NIPBL: variants seen among roughly 807,000 people sequenced by gnomAD.
NIPBL encodes the protein nipped-B-like protein.
In NIPBL, 19 loss-of-function variants were observed where a neutral mutation model predicts 321.8. The observed-to-expected ratio is 0.06, with a 90% CI of 0.04 to 0.09. The LOEUF is 0.09. Ranked by LOEUF, NIPBL falls within the 10% of genes least tolerant of loss-of-function variation. NIPBL has a pLI of 1.00. For synonymous variants in NIPBL, 1,106 were observed against 1,114.1 expected, an observed-to-expected ratio of 0.99 and a Z score of 0.14; for missense variants, 2,210 against 3,327.0, an observed-to-expected ratio of 0.66 and a Z score of 8.26.
At chr5:37,050,595 T>C (rs1467015866) in intron 40 of NIPBL, among the ~76,000 whole-genome samples, 1 of 152,170 alleles carries the variant, frequency 6.6e-6, no homozygotes, top group Non-Finnish European at 1.5e-5. Context: ...TTGCTTTCTC[T>C]CTCTCCCTTT....
At chr5:36,881,958 T>G (rs1361053292) in intron 1 of NIPBL, among the ~76,000 whole-genome samples, 1 of 151,998 alleles carries the variant, frequency 6.6e-6, no homozygotes, top group Non-Finnish European at 1.5e-5. Flanking sequence ...GTCATTTCAT[T>G]CATAGAAATG....
chr5:37,013,991 C>T (rs545452870), intron 21 of NIPBL, among the ~76,000 whole-genome samples: 253 of 152,336 alleles, frequency 1.7e-3, no homozygotes, highest in African/African-American at 5.5e-3. Context: ...GGATCACTCG[C>T]GGTTAGGAGC....
chr5:37,044,495 C>T lies in NIPBL; in HGVS notation c.6249+8C>T. On this transcript the variant is annotated splice_region_variant and intron_variant, in intron 35 of 46. Coordinates refer to ENST00000282516, the MANE Select transcript of NIPBL (RefSeq NM_133433.4). Reference sequence around the variant, plus strand: ...ATCAAATATGGCATGACTGTAAGCACTCAGTTTACCATTTCTTTATTCATT... The same window carrying T: ...ATCAAATATGGCATGACTGTAAGCATTCAGTTTACCATTTCTTTATTCATT... 6.2e-7 allele frequency: 1 copy of T among 1,613,036 alleles called. No homozygotes were observed. The highest frequency in any genetic ancestry group is 8.5e-7 in the Non-Finnish European group (1 of 1,179,162).
intron 44 of NIPBL, 128 bp downstream of exon 44, chr5:37,059,293 G>A: frequency 1.1e-6 from 1 of 945,898 alleles, no homozygotes. Flanking sequence ...GATCCCCTGA[G>A]GTCAGGAGTT....
chr5:36,940,805 A>T (rs1738981698), intron 1 of NIPBL, among the ~76,000 whole-genome samples: 1 of 152,230 alleles, frequency 6.6e-6, no homozygotes, highest in Non-Finnish European at 1.5e-5. Flanking sequence ...ATAAGGATTA[A>T]ATGAATTAAA....
intron 42 of NIPBL, among the ~76,000 whole-genome samples, chr5:37,055,042 G>A (rs1753950704): frequency 1.3e-5 from 2 of 152,160 alleles, no homozygotes; most frequent in Non-Finnish European, 2.9e-5. Context: ...GATAACAGTA[G>A]GGGAGAAAAA....
At chr5:37,030,464 A>C (rs1580525216) in intron 32 of NIPBL, among the ~76,000 whole-genome samples, 1 of 152,238 alleles carries the variant, frequency 6.6e-6, no homozygotes, top group African/African-American at 2.4e-5. Context: ...GGAAGGATAT[A>C]AAGAATGGAC....
intron 25 of NIPBL, among the ~76,000 whole-genome samples, chr5:37,019,860 T>C (rs999161040): frequency 5.9e-5 from 9 of 152,198 alleles, no homozygotes; most frequent in Non-Finnish European, 1.5e-5. Flanking sequence ...TTATAAACTA[T>C]TATTTGAGAA....
At chr5:36,926,554 A>G (rs559379318) in intron 1 of NIPBL, among the ~76,000 whole-genome samples, 12 of 152,344 alleles carry the variant, frequency 7.9e-5, no homozygotes, top group Admixed American at 6.5e-4. Flanking sequence ...GTTTCCAAAA[A>G]GTATTGTCAA....
At chr5:36,933,465 G>A (rs1749933176) in intron 1 of NIPBL, among the ~76,000 whole-genome samples, 1 of 152,034 alleles carries the variant, frequency 6.6e-6, no homozygotes, top group African/African-American at 2.4e-5. Flanking sequence ...ATGAGATATA[G>A]TTCTAGAGAC....
At chr5:37,015,464 G>A (rs1005104998) in intron 22 of NIPBL, among the ~76,000 whole-genome samples, 3 of 152,204 alleles carry the variant, frequency 2.0e-5, no homozygotes, top group Admixed American at 2.0e-4. Context: ...GCCAGGTGTG[G>A]TGGCTCACAC....
intron 38 of NIPBL, among the ~76,000 whole-genome samples, chr5:37,047,000 T>C (rs1753050026): frequency 6.6e-6 from 1 of 152,184 alleles, no homozygotes; most frequent in Non-Finnish European, 1.5e-5. Flanking sequence ...ACACCTGTAC[T>C]AAATATGTAC....
Position 36,986,270 on chromosome 5 carries a change from T to C in NIPBL, c.3090T>C (p.Pro1030=). The part of the protein sequence containing the change: ...REDKSRSSLK[P]IKNKPSKSNK... Reference sequence around the variant, plus strand: ...ACAAATCAAGAAGTTCCCTTAAACCTATCAAGAATAAACCATCAAAGTCAA... The same window carrying C: ...ACAAATCAAGAAGTTCCCTTAAACCCATCAAGAATAAACCATCAAAGTCAA... Residue 1030 remains proline, a synonymous_variant, in exon 10 of 47, where the codon CCT becomes CCC. Coordinates refer to ENST00000282516, the MANE Select transcript of NIPBL (RefSeq NM_133433.4). 1 of 1,531,536 alleles carries C rather than the reference T, an allele frequency of 6.5e-7. No individual in the cohort carries two copies. Among genetic ancestry groups the C allele is most frequent in the South Asian group, 1.3e-5 (1 of 75,460 alleles). 94.9% of individuals were successfully genotyped at this position (1,531,536 alleles called of 1,614,324 possible).
In NIPBL at chr5:37,027,422, C is replaced by G. The variant is rs1476871328; in HGVS notation, c.5862+10C>G. On this transcript the variant is annotated intron_variant, in intron 32 of 46. Transcript: ENST00000282516. ...GCAACTGCTTCAAAACGTGAGTGTT[C>G]TTTTGACTCCTGATAACCTAAAATT... is the stretch of plus-strand genomic sequence containing the variant. The G allele has an allele frequency of 1.2e-6, 2 of 1,603,098 alleles. No homozygotes were observed. Among genetic ancestry groups the G allele is most frequent in the Admixed American group, 3.3e-5 (2 of 59,788 alleles).
At chr5:37,050,562 C>G (rs556679711) in intron 40 of NIPBL, among the ~76,000 whole-genome samples, 17 of 151,820 alleles carry the variant, frequency 1.1e-4, no homozygotes, top group Non-Finnish European at 2.2e-4. Flanking sequence ...CTCTATTCAC[C>G]ATTTGTTGAC....
chr5:36,886,432 A>G (rs1000847146), intron 1 of NIPBL: 2 of 740,004 alleles, frequency 2.7e-6, no homozygotes, highest in African/African-American at 3.4e-5. Context: ...AAAGACCACC[A>G]CCCGCTGGAT....
chr5:36,984,891 A>C lies in NIPBL; in HGVS notation c.1711A>C (p.Lys571Gln). ...SDSIKKPEEI[K>Q]QCNDAPVSVL... ...CTCCATAAAAAAGCCTGAAGAAATC[A>C]AACAATGTAATGATGCACCTGTTTC... Residue 571 changes from lysine (K) to glutamine (Q), a missense_variant, in exon 10 of 47, where the codon AAA (lysine) becomes CAA (glutamine). Lys to Gln is a moderately conservative substitution (Grantham distance 53). Around this residue, in one of 14 missense-constraint regions of NIPBL, gnomAD observed 588 missense variants for 564.1 expected, o/e 1.04. Transcript: ENST00000282516. 6.2e-7 allele frequency: 1 copy of C among 1,613,882 alleles called. No individual in the cohort carries two copies. The highest frequency in any genetic ancestry group is 8.5e-7 in the Non-Finnish European group (1 of 1,179,872).
chr5:36,969,310 A>G (rs1300208226), intron 6 of NIPBL, among the ~76,000 whole-genome samples: 2 of 152,200 alleles, frequency 1.3e-5, no homozygotes, highest in Non-Finnish European at 2.9e-5. Flanking sequence ...CTAAAAATTC[A>G]TATAGAAGTT....
intron 1 of NIPBL, among the ~76,000 whole-genome samples, chr5:36,929,281 A>G (rs1319527454): frequency 6.6e-6 from 1 of 152,086 alleles, no homozygotes; most frequent in Non-Finnish European, 1.5e-5. Flanking sequence ...TTATATGTTT[A>G]TAAGCCATTC....
Sources: gnomAD v4.1 joint callset for allele counts (sites outside exome capture counted in the v4.1 genomes callset) on GRCh38, gnomAD v4.1.1 for gene constraint, gnomAD v4.1.1 regional missense constraint, MANE v1.5 for transcripts, NCBI Gene and HGNC (gene_info 2026-07-23, HGNC 2026-07-21) for gene names.